Variants in NR6A1 observed in about 807,000 individuals in gnomAD.
NR6A1 encodes the protein nuclear receptor subfamily 6 group A member 1.
A neutral mutation model predicts 59.1 loss-of-function variants in NR6A1; 7 were observed. The ratio of observed to expected loss-of-function variants is 0.12; its 90% CI spans 0.07 to 0.22. The LOEUF (loss-of-function observed/expected upper bound fraction) is 0.22. Ranked by LOEUF, NR6A1 falls within the 10% of genes least tolerant of loss-of-function variation. The pLI is 1.00. For synonymous variants in NR6A1, 243 were observed against 236.1 expected (o/e 1.03, Z -0.27); for missense variants, 468 against 611.6 (o/e 0.77, Z 2.48).
chr9:124,734,605 A>T (rs1839970858), intron 1 of NR6A1, among the ~76,000 whole-genome samples: 2 of 152,178 alleles, frequency 1.3e-5, no homozygotes, highest in Admixed American at 1.3e-4. Flanking sequence ...AGGCAGGAGA[A>T]TCTTTCGAGT....
intron 3 of NR6A1, among the ~76,000 whole-genome samples, chr9:124,549,441 A>T (rs1833703172): frequency 6.6e-6 from 1 of 152,200 alleles, no homozygotes; most frequent in Non-Finnish European, 1.5e-5. Context: ...AGACTGCAAG[A>T]TGGGTAAGGA....
At chr9:124,583,844 G>A (rs1199899765) in intron 2 of NR6A1, among the ~76,000 whole-genome samples, 1 of 152,108 alleles carries the variant, frequency 6.6e-6, no homozygotes, top group East Asian at 1.9e-4. Context: ...TCACAAATGA[G>A]CACTCTGCCC....
chr9:124,553,549 C>CTTTTTTTTTTTTTTAT (rs1833840864), intron 3 of NR6A1, among the ~76,000 whole-genome samples: 1 of 47,324 alleles, frequency 2.1e-5, no homozygotes, highest in Non-Finnish European at 4.0e-5. Flanking sequence ...TTTAGCTTGA[C>CTTTTTTTTTTTTTTAT]TTTTTTTTTT....
chr9:124,598,565 T>C (rs1206108497), intron 2 of NR6A1: 2 of 256,546 alleles, frequency 7.8e-6, no homozygotes, highest in Non-Finnish European at 1.5e-5. Context: ...TTATTATTTT[T>C]AAATTTTGTT....
At chr9:124,745,841 C>A (rs1489889981) in intron 1 of NR6A1, among the ~76,000 whole-genome samples, 2 of 150,550 alleles carry the variant, frequency 1.3e-5, no homozygotes, top group Admixed American at 1.3e-4. Context: ...AATTGCCAGG[C>A]ATGGTGGTGC....
chr9:124,612,478 T>TA (rs1033485706), intron 2 of NR6A1, among the ~76,000 whole-genome samples: 3 of 152,190 alleles, frequency 2.0e-5, no homozygotes, highest in Admixed American at 2.0e-4. Context: ...CTTGGACAGA[T>TA]ACCCCAGCAT....
At chr9:124,675,249 A>G (rs1313182494) in intron 2 of NR6A1, among the ~76,000 whole-genome samples, 1 of 152,246 alleles carries the variant, frequency 6.6e-6, no homozygotes, top group East Asian at 1.9e-4. Flanking sequence ...TGACTTACAA[A>G]GCAAACAAAA....
At position 124,536,975 on chromosome 9, in the gene NR6A1, C is replaced by T. The variant is rs574317489; in HGVS notation, c.825-843G>A. Among the ~76,000 whole-genome samples, 7 of 152,326 alleles carry T rather than the reference C, an allele frequency of 4.6e-5. No homozygotes were observed. The East Asian group carries it at 5.8e-4, about 13-fold the overall frequency. On this transcript the variant is annotated intron_variant, in intron 6 of 9. Transcript: ENST00000487099. The stretch of plus-strand genomic sequence containing the variant: ...TTTAAGCTAAAACTGGAATAAAAGC[C>T]GGCTTTGAGACCACAGACTCACAGA...
chr9:124,533,674 G>A (rs2131339206), intron 7 of NR6A1, among the ~76,000 whole-genome samples: 1 of 151,820 alleles, frequency 6.6e-6, no homozygotes, highest in South Asian at 2.1e-4. Context: ...TTTTGAGACG[G>A]AGTCTCGCTC....
At chr9:124,525,360 C>T (rs1237357834) in intron 8 of NR6A1, among the ~76,000 whole-genome samples, 3 of 149,410 alleles carry the variant, frequency 2.0e-5, no homozygotes, top group African/African-American at 7.5e-5. Flanking sequence ...AATCTTCTTC[C>T]TGGGCTGTCC....
chr9:124,658,724 CTTCGG>C (rs1837333918), intron 2 of NR6A1: 1 of 152,126 alleles, frequency 6.6e-6, no homozygotes, highest in South Asian at 2.1e-4. Flanking sequence ...TTCAGGACTA[CTTCGG>C]TTCTTTTACT....
At chr9:124,567,555 G>A (rs545081587) in intron 2 of NR6A1, among the ~76,000 whole-genome samples, 5 of 152,044 alleles carry the variant, frequency 3.3e-5, no homozygotes, top group South Asian at 2.1e-4. Context: ...GCTTGAGCCC[G>A]GGAGTCGGAG....
Position 124,588,837 on chromosome 9 carries a change from G to A in NR6A1, c.143-34267C>T, listed in dbSNP as rs576200385. On this transcript the variant is annotated intron_variant, in intron 2 of 9. Transcript: ENST00000487099. ...CGGGAGGCTGAGGCAGGAGAATGGC[G>A]CGAACCCGGGAAGCAGAGCTTGCAG... Among the ~76,000 whole-genome samples the A allele has an allele frequency of 4.7e-5, 7 of 149,006 alleles. No homozygotes were observed. The South Asian group carries it at 6.5e-4, about 14-fold the overall frequency.
intron 7 of NR6A1, among the ~76,000 whole-genome samples, chr9:124,529,115 C>T (rs1190154255): frequency 1.3e-5 from 2 of 152,196 alleles, no homozygotes; most frequent in Non-Finnish European, 2.9e-5. Context: ...TTTCTCTCTA[C>T]CTGGCCCAAT....
intron 2 of NR6A1, among the ~76,000 whole-genome samples, chr9:124,608,666 G>A (rs1359244765): frequency 1.3e-5 from 2 of 152,106 alleles, no homozygotes; most frequent in Admixed American, 6.6e-5. Flanking sequence ...CCCAGTAATG[G>A]AATTGCTGGG....
intron 2 of NR6A1, among the ~76,000 whole-genome samples, chr9:124,580,849 A>G (rs972730236): frequency 6.6e-6 from 1 of 152,030 alleles, no homozygotes; most frequent in Non-Finnish European, 1.5e-5. Flanking sequence ...AATAATAAAG[A>G]ATAAAGCTGG....
intron 1 of NR6A1, among the ~76,000 whole-genome samples, chr9:124,769,063 A>G (rs1034274617): frequency 3.3e-5 from 5 of 152,216 alleles, no homozygotes; most frequent in African/African-American, 1.2e-4. Flanking sequence ...ACTAGCTTAA[A>G]AAGTCAAAGG....
intron 1 of NR6A1, among the ~76,000 whole-genome samples, chr9:124,763,284 G>A (rs1308911649): frequency 2.6e-5 from 4 of 152,228 alleles, no homozygotes; most frequent in Non-Finnish European, 4.4e-5. Context: ...GCATGGAAGT[G>A]AAGAATATAA....
chr9:124,726,543 C>A (rs1205052273), intron 2 of NR6A1, among the ~76,000 whole-genome samples: 1 of 152,128 alleles, frequency 6.6e-6, no homozygotes, highest in East Asian at 1.9e-4. Flanking sequence ...TTCACTTTTG[C>A]AATTTGGGGA....
Sources: allele counts gnomAD v4.1 joint callset (sites outside exome capture counted in the v4.1 genomes callset), GRCh38; gene constraint gnomAD v4.1.1; transcripts MANE v1.5; gene names NCBI Gene and HGNC (gene_info 2026-07-23, HGNC 2026-07-21).